NLGN1: variants seen among roughly 807,000 people sequenced by gnomAD.
NLGN1 encodes the protein neuroligin-1.
In NLGN1, 12 loss-of-function variants were observed where a neutral mutation model predicts 65.5. The observed-to-expected ratio is 0.18, with a 90% CI of 0.12 to 0.30. NLGN1 has a LOEUF of 0.30. Among genes scored for constraint, NLGN1 ranks in the 10% least tolerant of loss-of-function variants. The pLI, the probability that NLGN1 is intolerant of heterozygous loss-of-function variation, is 1.00. For synonymous variants in NLGN1, 350 were observed against 359.5 expected (o/e 0.97, Z 0.30); for missense variants, 750 against 1,007.1 (o/e 0.74, Z 3.46).
At chr3:173,663,201 GAA>G (rs1761185199) in intron 3 of NLGN1, among the ~76,000 whole-genome samples, 1 of 151,864 alleles carries the variant, frequency 6.6e-6, no homozygotes, top group Non-Finnish European at 1.5e-5. Context: ...GCTCTCATCT[GAA>G]AAAGTGTTTA....
chr3:174,154,661 C>T (rs1724987751), intron 4 of NLGN1, among the ~76,000 whole-genome samples: 1 of 151,540 alleles, frequency 6.6e-6, no homozygotes, highest in Admixed American at 6.6e-5. Context: ...AGACTTTGTG[C>T]AGAAAACTGA....
At chr3:174,159,581 A>G (rs1726115106) in intron 4 of NLGN1, among the ~76,000 whole-genome samples, 1 of 151,614 alleles carries the variant, frequency 6.6e-6, no homozygotes, top group Non-Finnish European at 1.5e-5. Context: ...GAGATTTTCT[A>G]AAAGAGGTGG....
At chr3:173,494,703 C>T (rs1266087441) in intron 2 of NLGN1, among the ~76,000 whole-genome samples, 1 of 151,654 alleles carries the variant, frequency 6.6e-6, no homozygotes, top group African/African-American at 2.4e-5. Context: ...TATTTTTATG[C>T]ATGATTTGAG....
rs557716933 is a variant in NLGN1 at position 174,074,931 on chromosome 3, T to C, written c.647-200384T>C. Among the ~76,000 whole-genome samples the C allele has an allele frequency of 2.0e-5, 3 of 152,300 alleles. No individual in the cohort carries two copies. In the South Asian group the frequency reaches 6.2e-4, roughly 32 times the overall value. On this transcript the variant is annotated intron_variant, in intron 4 of 6. Transcript: ENST00000457714. ...CTACCGTGCACAATGTGATTGCTAG[T>C]ATATAACAGACACACTTAATTTGGA...
chr3:173,508,646 C>T (rs146827109), intron 2 of NLGN1, among the ~76,000 whole-genome samples: 1,959 of 152,244 alleles, frequency 0.013, 24 homozygotes, highest in Non-Finnish European at 0.02. Context: ...TCCCTCTGCT[C>T]CTTTTTGGTC....
rs367956240 is a variant in NLGN1, at chr3:173,688,413, A to G, written c.493+83322A>G. ...TAGGCTTTGAGTTTTGGCCTCCTAA[A>G]ACAATGCTGTTTTTCTTAGGACTTT... is the stretch of plus-strand genomic sequence containing the variant. On this transcript the variant is annotated intron_variant, in intron 3 of 6. Transcript: ENST00000457714. Among the ~76,000 whole-genome samples, 25 of 152,292 alleles carry G rather than the reference A, an allele frequency of 1.6e-4. No individual in the cohort carries two copies. The East Asian group carries it at 1.7e-3, about 11-fold the overall frequency.
intron 2 of NLGN1, among the ~76,000 whole-genome samples, chr3:173,524,279 C>T (rs1251390916): frequency 6.6e-6 from 1 of 151,938 alleles, no homozygotes; most frequent in Non-Finnish European, 1.5e-5. Context: ...AGATGATTCA[C>T]CTCCTTGGTT....
chr3:173,826,115 C>A lies in NLGN1; in HGVS notation c.646+18283C>A, dbSNP rs528867513. ...TTTCTCTGTCAGCCATGATAGGCAA[C>A]ATTCTGCTGCAGGAATAGCAAACTC... On this transcript the variant is annotated intron_variant, in intron 4 of 6. Coordinates refer to ENST00000457714, the Ensembl canonical transcript of NLGN1. 1.4e-4 allele frequency among the ~76,000 whole-genome samples: 22 copies of A among 152,102 alleles called. 1 individual carries two copies. Among genetic ancestry groups the A allele is most frequent in the African/African-American group, 5.1e-4 (21 of 41,532 alleles).
intron 2 of NLGN1, among the ~76,000 whole-genome samples, chr3:173,519,147 T>C (rs565696999): frequency 6.6e-6 from 1 of 152,212 alleles, no homozygotes; most frequent in Admixed American, 6.5e-5. Flanking sequence ...GTGTGCAGAG[T>C]CCAATAGTTG....
At chr3:173,908,080 C>T (rs1738822652) in intron 4 of NLGN1, among the ~76,000 whole-genome samples, 1 of 152,150 alleles carries the variant, frequency 6.6e-6, no homozygotes, top group South Asian at 2.1e-4. Context: ...AACAGGACAA[C>T]TTTTATAAAA....
chr3:173,711,781 G>A (rs1235962143), intron 3 of NLGN1, among the ~76,000 whole-genome samples: 1 of 152,040 alleles, frequency 6.6e-6, no homozygotes, highest in East Asian at 1.9e-4. Context: ...TGAAATAGCA[G>A]CCCAGTTACT....
At chr3:174,054,975 A>T (rs1735728347) in intron 4 of NLGN1, among the ~76,000 whole-genome samples, 1 of 151,694 alleles carries the variant, frequency 6.6e-6, no homozygotes, top group Non-Finnish European at 1.5e-5. Context: ...CTCCCGACTA[A>T]TCTTCTACTA....
chr3:173,604,474 C>G (rs1751048527), exon 3 of NLGN1: 1 of 1,041,936 alleles, frequency 9.6e-7, no homozygotes, highest in African/African-American at 1.6e-5. Flanking sequence ...TCTTTCAGAG[C>G]TTTTCTCGAC....
chr3:174,279,354 C>T lies in NLGN1; in HGVS notation c.1353C>T (p.Thr451=), dbSNP rs369811377. 79 of 1,613,274 alleles carry T rather than the reference C, an allele frequency of 4.9e-5. No homozygotes were observed. Among genetic ancestry groups the T allele is most frequent in the Admixed American group, 6.7e-5 (4 of 59,904 alleles). Reference sequence around the variant, plus strand: ...GGGCTGACCGTCATAACCCTGAAACCAGAAGAAAGACATTACTGGCTTTGT... The same window carrying T: ...GGGCTGACCGTCATAACCCTGAAACTAGAAGAAAGACATTACTGGCTTTGT... The change falls in exon 6 of 7, where the codon ACC becomes ACT. Residue 451 remains threonine (T), a synonymous_variant. Transcript: ENST00000457714. This position sits in a 1 kb window ranked among gnomAD's most constrained non-coding sequence, Gnocchi z 4.7.
chr3:173,586,336 T>C (rs1445266141), intron 2 of NLGN1, among the ~76,000 whole-genome samples: 2 of 152,228 alleles, frequency 1.3e-5, no homozygotes, highest in East Asian at 3.8e-4. Flanking sequence ...CTGAAGTCTG[T>C]GTGTGTGAAC....
chr3:174,203,234 G>A (rs577677917), intron 4 of NLGN1, among the ~76,000 whole-genome samples: 33 of 152,132 alleles, frequency 2.2e-4, no homozygotes, highest in Non-Finnish European at 4.6e-4. Context: ...TCTGCCCTGT[G>A]CAGTCTCTCA....
chr3:173,810,869 TA>T (rs1209472268), intron 4 of NLGN1, among the ~76,000 whole-genome samples: 1 of 152,168 alleles, frequency 6.6e-6, no homozygotes, highest in Non-Finnish European at 1.5e-5. Flanking sequence ...TTTCCAGTGG[TA>T]ACACAGAATA....
At chr3:173,916,980 A>G (rs549775922) in intron 4 of NLGN1, among the ~76,000 whole-genome samples, 1 of 152,236 alleles carries the variant, frequency 6.6e-6, no homozygotes, top group Non-Finnish European at 1.5e-5. Context: ...TTCCAACTTC[A>G]GACTACAATT....
intron 4 of NLGN1, among the ~76,000 whole-genome samples, chr3:174,037,870 G>A (rs1379035762): frequency 6.7e-6 from 1 of 149,936 alleles, no homozygotes; most frequent in Non-Finnish European, 1.5e-5. Flanking sequence ...TACAATTGAC[G>A]GTGTGGTGAA....
Sources: gnomAD v4.1 joint callset for allele counts (sites outside exome capture counted in the v4.1 genomes callset) on GRCh38, gnomAD v4.1.1 for gene constraint, Gnocchi (gnomAD v3.1) non-coding constraint, MANE v1.5 for transcripts, NCBI Gene and HGNC (gene_info 2026-07-23, HGNC 2026-07-21) for gene names.